Variants in ACTA2 observed in about 807,000 individuals in gnomAD.
The protein encoded by ACTA2 is actin alpha 2, smooth muscle.
A neutral mutation model predicts 39.5 loss-of-function variants in ACTA2; 12 were observed. The observed-to-expected ratio is 0.30, with a 90% CI of 0.19 to 0.49. ACTA2 has a LOEUF of 0.49. ACTA2 is among the 20% of genes least tolerant of loss of function. The pLI is 0.99. For missense variants in ACTA2, 236 were observed against 498.8 expected, an observed-to-expected ratio of 0.47 and a Z score of 5.02; for synonymous variants, 158 against 180.6, an observed-to-expected ratio of 0.88 and a Z score of 1.00.
rs546103144 is a variant in ACTA2 at position 88,962,235 on chromosome 10, T to A, written c.-23-13282A>T. On this transcript the variant is annotated intron_variant, in intron 1 of 4. Transcript: ENST00000415557. ...GCAAAAATCCCTTCATTTAAAATGA[T>A]GGCAATTAACTAACATTTTTAAAAA... Among the ~76,000 whole-genome samples the A allele has an allele frequency of 1.1e-4, 16 of 152,286 alleles. No individual in the cohort carries two copies. In the South Asian group the frequency reaches 3.3e-3, roughly 32 times the overall value.
chr10:88,977,376 A>C (rs566743908), intron 1 of ACTA2, among the ~76,000 whole-genome samples: 6 of 151,452 alleles, frequency 4.0e-5, no homozygotes, highest in Admixed American at 1.3e-4. Context: ...TCAGCTTTCT[A>C]CATATGGCTA....
intron 1 of ACTA2, among the ~76,000 whole-genome samples, chr10:88,984,548 A>G (rs1446246154): frequency 6.6e-6 from 1 of 152,252 alleles, no homozygotes; most frequent in Non-Finnish European, 1.5e-5. Context: ...ATATGAAAAC[A>G]TAAGATATCC....
chr10:88,939,388 GGTTTA>G lies in ACTA2; in HGVS notation c.808+114_808+118del, dbSNP rs1845805928. 3.0e-6 allele frequency: 4 copies of G among 1,340,076 alleles called. No homozygotes were observed. In the East Asian group the frequency reaches 9.2e-5, roughly 31 times the overall value. 83.0% of individuals were successfully genotyped at this position (1,340,076 alleles called of 1,614,324 possible). A position where few individuals can be genotyped will look rare whatever the true frequency, so the allele number is the denominator to read the frequency against. On this transcript the variant is annotated intron_variant, in intron 7 of 8. Coordinates refer to ENST00000224784, the MANE Select transcript of ACTA2 (RefSeq NM_001613.4). The stretch of plus-strand genomic sequence containing the variant: ...AAAATGTGGCACTTTCCCTTTTTCT[GGTTTA>G]GAAATGCTTTTGGTCTTGGGGCAAC...
Position 88,990,586 on chromosome 10 carries a change from G to C in ACTA2, c.-24+353C>G. ...CAATGGAGCCCTCCCCAACCCGGGC[G>C]TTCCCCAGCGAGGCTTCCTTCCCAT... is the stretch of plus-strand genomic sequence containing the variant. On this transcript the variant is annotated intron_variant, in intron 1 of 4. Coordinates refer to the ACTA2 transcript ENST00000415557. The surrounding 1 kb of genome is among the most constrained non-coding windows in gnomAD (Gnocchi z 4.9). The C allele has an allele frequency of 1.5e-6, 1 of 668,526 alleles. No homozygotes were observed. The highest frequency in any genetic ancestry group is 2.7e-6 in the Non-Finnish European group (1 of 364,760). 41.4% of individuals were successfully genotyped at this position (668,526 alleles called of 1,614,324 possible). A position where few individuals can be genotyped will look rare whatever the true frequency, so the allele number is the denominator to read the frequency against.
intron 1 of ACTA2, among the ~76,000 whole-genome samples, chr10:88,979,266 G>GA (rs377193003): frequency 5.6e-4 from 82 of 146,064 alleles, no homozygotes; most frequent in East Asian, 1.6e-3. Flanking sequence ...CAAAAAAGCA[G>GA]AAAAAAAAAA....
intron 3 of ACTA2, 140 bp from the exon 4 acceptor site, chr10:88,944,047 A>G (rs1018765935): frequency 1.4e-6 from 1 of 694,138 alleles, no homozygotes; most frequent in Non-Finnish European, 2.5e-6. Context: ...CCATGGTTTT[A>G]TAGATGCAGA....
At chr10:88,991,023 T>C in exon 1 of ACTA2, 3 of 1,430,336 alleles carry the variant, frequency 2.1e-6, no homozygotes, top group Non-Finnish European at 2.9e-6. Flanking sequence ...CGCGGGCACC[T>C]GGGAGCGGCG....
chr10:88,988,601 G>A (rs886623685), intron 1 of ACTA2, among the ~76,000 whole-genome samples: 1 of 152,066 alleles, frequency 6.6e-6, no homozygotes, highest in Non-Finnish European at 1.5e-5. Context: ...ATCTGTTGGA[G>A]TGCCTGAAAT....
intron 1 of ACTA2, chr10:88,975,058 C>T (rs185945232): frequency 9.9e-5 from 15 of 151,938 alleles, no homozygotes; most frequent in African/African-American, 3.4e-4. Flanking sequence ...GCATGTAGTT[C>T]GTGCTCCATG....
intron 1 of ACTA2, among the ~76,000 whole-genome samples, chr10:88,976,899 T>G (rs1159686617): frequency 6.6e-6 from 1 of 152,226 alleles, no homozygotes; most frequent in Non-Finnish European, 1.5e-5. Context: ...ATGCTGATGT[T>G]TGTAGAGAAG....
intron 1 of ACTA2, among the ~76,000 whole-genome samples, chr10:88,979,732 G>T (rs1052613409): frequency 3.9e-5 from 6 of 152,092 alleles, no homozygotes; most frequent in Non-Finnish European, 8.8e-5. Context: ...GATCAGAAAA[G>T]GTTACATGTG....
intron 1 of ACTA2, among the ~76,000 whole-genome samples, chr10:88,979,221 G>A (rs1215825014): frequency 6.6e-6 from 1 of 151,882 alleles, no homozygotes; most frequent in Non-Finnish European, 1.5e-5. Context: ...ATCTGGGGAG[G>A]AGAGATAAGG....
At chr10:88,981,142 T>A (rs1483739176) in intron 1 of ACTA2, among the ~76,000 whole-genome samples, 1 of 151,636 alleles carries the variant, frequency 6.6e-6, no homozygotes, top group Non-Finnish European at 1.5e-5. Context: ...GTCCACAGGG[T>A]GTTCAGTGTG....
intron 1 of ACTA2, among the ~76,000 whole-genome samples, chr10:88,960,968 C>T (rs1589408574): frequency 6.6e-6 from 1 of 152,192 alleles, no homozygotes; most frequent in East Asian, 1.9e-4. Context: ...TTAATTAGTG[C>T]ATTGTTCAAT....
At chr10:88,966,051 G>T (rs1455877520) in intron 1 of ACTA2, among the ~76,000 whole-genome samples, 2 of 152,118 alleles carry the variant, frequency 1.3e-5, no homozygotes, top group East Asian at 3.9e-4. Context: ...AAGTAATCAC[G>T]GTTTTTGCCA....
At chr10:88,945,524 T>G in intron 3 of ACTA2, among the ~76,000 whole-genome samples, 1 of 151,918 alleles carries the variant, frequency 6.6e-6, no homozygotes, top group East Asian at 1.9e-4. Context: ...TTATTTCTTC[T>G]GTTTTTTTCT....
chr10:88,951,268 T>G (rs952303351), intron 1 of ACTA2, among the ~76,000 whole-genome samples: 1 of 152,110 alleles, frequency 6.6e-6, no homozygotes, highest in African/African-American at 2.4e-5. Flanking sequence ...ACTCTATGGA[T>G]GTGCTAAGTG....
chr10:88,984,728 T>C (rs1335181302), intron 1 of ACTA2, among the ~76,000 whole-genome samples: 1 of 152,120 alleles, frequency 6.6e-6, no homozygotes, highest in Non-Finnish European at 1.5e-5. Context: ...CCAAGTCATA[T>C]AGGAAGAGAC....
At chr10:88,935,469 G>T (rs1163731604) in intron 8 of ACTA2, 103 bp from the exon 9 acceptor site, 12 of 1,329,614 alleles carry the variant, frequency 9.0e-6, no homozygotes, top group Non-Finnish European at 1.3e-5. Flanking sequence ...CTAGTTTCTT[G>T]TTCAGCAGGG....
Sources: allele counts gnomAD v4.1 joint callset (sites outside exome capture counted in the v4.1 genomes callset), GRCh38; gene constraint gnomAD v4.1.1; non-coding constraint Gnocchi (gnomAD v3.1); transcripts MANE v1.5; gene names NCBI Gene and HGNC (gene_info 2026-07-23, HGNC 2026-07-21).